SPG7: variants seen among roughly 807,000 people sequenced by gnomAD.
SPG7 encodes the protein mitochondrial inner membrane m-AAA protease component paraplegin.
Under a neutral mutation model 81.9 loss-of-function variants are expected in SPG7, and 103 were observed. The observed-to-expected ratio is 1.26, with a 90% CI of 1.07 to 1.48. The LOEUF (loss-of-function observed/expected upper bound fraction) is 1.48. Ranked by LOEUF, SPG7 falls within the 40% of genes most tolerant of loss-of-function variation. SPG7 has a pLI of 0.00. For missense variants in SPG7, 1,241 were observed against 1,087.3 expected, an observed-to-expected ratio of 1.14 and a Z score of -1.99; for synonymous variants, 534 against 444.2, an observed-to-expected ratio of 1.20 and a Z score of -2.54.
At chr16:89,520,942 G>C (rs1421916633) in intron 3 of SPG7, 1 of 152,192 alleles carries the variant, frequency 6.6e-6, no homozygotes, top group Non-Finnish European at 1.5e-5. Flanking sequence ...GATACATCTT[G>C]CCAGGCAGTT....
chr16:89,511,400 T>A (rs541748904), intron 2 of SPG7, among the ~76,000 whole-genome samples: 243 of 152,352 alleles, frequency 1.6e-3, no homozygotes, highest in Non-Finnish European at 2.8e-3. Context: ...CCTCTCACTT[T>A]TATTTCACGC....
chr16:89,536,755 C>T (rs1322357207), intron 9 of SPG7: 1 of 1,613,664 alleles, frequency 6.2e-7, no homozygotes, highest in Non-Finnish European at 8.5e-7. Flanking sequence ...CGGCCTTCTT[C>T]TCCAACCAGG....
chr16:89,547,710 T>A (rs1390261655), intron 11 of SPG7: 1 of 399,754 alleles, frequency 2.5e-6, no homozygotes, highest in Non-Finnish European at 4.8e-6. Flanking sequence ...CCTCCTGGGT[T>A]CAACCGATTT....
At chr16:89,514,423 C>G (rs2058066121) in intron 3 of SPG7, 1 of 139,704 alleles carries the variant, frequency 7.2e-6, no homozygotes. Flanking sequence ...CGGGTTCAAG[C>G]AATTCTCCTG....
At chr16:89,517,838 C>G (rs2058124003) in intron 3 of SPG7, 1 of 152,152 alleles carries the variant, frequency 6.6e-6, no homozygotes, top group Non-Finnish European at 1.5e-5. Context: ...CTAGGATGAT[C>G]TCGATCTCCT....
intron 12 of SPG7, 190 bp from the exon 13 acceptor site, chr16:89,550,304 C>G (rs2152410991): frequency 3.5e-6 from 2 of 569,074 alleles, no homozygotes; most frequent in East Asian, 3.4e-5. Flanking sequence ...TCCCAAGTAG[C>G]TGGGACTGCA....
At chr16:89,518,656 C>G (rs1272844118) in intron 3 of SPG7, 7 of 151,974 alleles carry the variant, frequency 4.6e-5, no homozygotes, top group Non-Finnish European at 1.0e-4. Context: ...AGGAATTATA[C>G]GGAGTGAAAA....
At position 89,553,958 on chromosome 16, in the gene SPG7, C is replaced by T. The variant is rs2058662827; in HGVS notation, c.2101C>T (p.His701Tyr). Residue 701 changes from histidine to tyrosine, a missense_variant and splice_region_variant, in exon 15 of 17, where the codon CAT (histidine) becomes TAT (tyrosine). Physicochemically the swap from His to Tyr is moderately conservative, Grantham distance 83 (BLOSUM62 2). Transcript: ENST00000645818. ...FSQGLQQMMDHEARLLVAKAY... is the reference protein window; with the variant it reads ...FSQGLQQMMDYEARLLVAKAY... ...CCAAGGCCTGCAGCAGATGATGGAC[C>T]ATGTGAGTCGGCTCTGGCCACACCG... 1 of 1,611,020 alleles carries T rather than the reference C, an allele frequency of 6.2e-7. No homozygotes were observed. Among genetic ancestry groups the T allele is most frequent in the East Asian group, 2.2e-5 (1 of 44,876 alleles).
intron 14 of SPG7, 104 bp downstream of exon 14, chr16:89,553,239 C>A (rs538406906): frequency 1.7e-6 from 2 of 1,162,082 alleles, no homozygotes; most frequent in African/African-American, 1.5e-5. Flanking sequence ...GTAGACGTAG[C>A]TTTGAATTTA....
At chr16:89,552,663 G>C (rs1056188476) in intron 13 of SPG7, 1 of 394,452 alleles carries the variant, frequency 2.5e-6, no homozygotes, top group Non-Finnish European at 4.9e-6. Flanking sequence ...TCAGCGCAGC[G>C]GCCATCGGGG....
At position 89,546,901 on chromosome 16, in the gene SPG7, G is replaced by A. The variant is rs2058571606; in HGVS notation, c.1552+141G>A. ...CCTCTGCTCAGTACAAGCCTGGGAG[G>A]GAGCTGATGTGTATGTGGGGCAGCA... On this transcript the variant is annotated intron_variant, in intron 11 of 16. Coordinates refer to ENST00000645818, the MANE Select transcript of SPG7 (RefSeq NM_003119.4). The A allele has an allele frequency of 1.4e-5, 10 of 691,836 alleles. No homozygotes were observed. In the Admixed American group the frequency reaches 1.8e-4, roughly 13 times the overall value. 42.9% of individuals were successfully genotyped at this position (691,836 alleles called of 1,614,324 possible).
At position 89,537,325 on chromosome 16, in the gene SPG7, C is replaced by T. The variant is rs1458599709; in HGVS notation, c.1324+4689C>T. 64 of 1,204,056 alleles carry T rather than the reference C, an allele frequency of 5.3e-5. No individual in the cohort carries two copies. The East Asian group carries it at 2.4e-3, about 46-fold the overall frequency. 74.6% of individuals were successfully genotyped at this position (1,204,056 alleles called of 1,614,324 possible). A position where few individuals can be genotyped will look rare whatever the true frequency, so the allele number is the denominator to read the frequency against. On this transcript the variant is annotated intron_variant, in intron 9 of 16. Coordinates refer to ENST00000645818, the MANE Select transcript of SPG7 (RefSeq NM_003119.4). ...GCAAGTCAAAGAGCACTGGAGGCACCGCCGGCGATGGACGTCCAGGTCCCG... is the reference window on the plus strand; with the variant it reads ...GCAAGTCAAAGAGCACTGGAGGCACTGCCGGCGATGGACGTCCAGGTCCCG...
intron 2 of SPG7, among the ~76,000 whole-genome samples, 158 bp from the exon 3 acceptor site, chr16:89,512,790 G>A (rs375971814): frequency 1.5e-4 from 23 of 152,312 alleles, no homozygotes; most frequent in African/African-American, 4.8e-4. Context: ...AGTGATATAG[G>A]ATATGCTTTA....
In SPG7 at chr16:89,530,667, T is replaced by C; in HGVS notation, c.862-16T>C. Reference sequence around the variant, plus strand: ...TGACTTCGCCCAGCTCCTTGCACTTTGTTCTTTCTGCACAGAATCAGCTTA... The same window carrying C: ...TGACTTCGCCCAGCTCCTTGCACTTCGTTCTTTCTGCACAGAATCAGCTTA... On this transcript the variant is annotated splice_polypyrimidine_tract_variant and intron_variant, in intron 6 of 16. Coordinates refer to ENST00000645818, the MANE Select transcript of SPG7 (RefSeq NM_003119.4). The C allele has an allele frequency of 6.2e-7, 1 of 1,614,156 alleles. No homozygotes were observed. Among genetic ancestry groups the C allele is most frequent in the Non-Finnish European group, 8.5e-7 (1 of 1,180,026 alleles).
At position 89,508,434 on chromosome 16, in the gene SPG7, T is replaced by A. The variant is rs1352999079; in HGVS notation, c.17T>A (p.Leu6Gln). 1 of 1,498,390 alleles carries A rather than the reference T, an allele frequency of 6.7e-7. No homozygotes were observed. Among genetic ancestry groups the A allele is most frequent in the African/African-American group, 1.5e-5 (1 of 68,620 alleles). 92.8% of individuals were successfully genotyped at this position (1,498,390 alleles called of 1,614,324 possible). A position where few individuals can be genotyped will look rare whatever the true frequency, so the allele number is the denominator to read the frequency against. Residue 6 changes from leucine to glutamine, a missense_variant, in exon 1 of 17, where the codon CTG becomes CAG. Leu to Gln is a moderately radical substitution (Grantham distance 113). Transcript: ENST00000645818. MAVLL[L>Q]LLRALRRGPG... ...CAGGCCAACATGGCCGTGCTGCTGC[T>A]GCTGCTCCGTGCCCTCCGCCGGGGT...
chr16:89,528,545 G>A (rs979575075), intron 5 of SPG7: 1 of 151,726 alleles, frequency 6.6e-6, no homozygotes, highest in African/African-American at 2.4e-5. Context: ...AAGATGGAGG[G>A]TTGGGGCAGG....
chr16:89,516,243 C>T (rs895657944), intron 3 of SPG7, among the ~76,000 whole-genome samples: 1 of 151,942 alleles, frequency 6.6e-6, no homozygotes, highest in Non-Finnish European at 1.5e-5. Flanking sequence ...TCGCCTTGGT[C>T]TCCGAAAGTG....
intron 8 of SPG7, 33 bp downstream of exon 8, chr16:89,532,099 T>C (rs1470724149): frequency 1.2e-6 from 2 of 1,605,836 alleles, no homozygotes; most frequent in Non-Finnish European, 1.7e-6. Flanking sequence ...GTGGGTGGGC[T>C]TGGCTGACTA....
rs1240187851 is a variant in SPG7, at chr16:89,548,510, G to A, written c.1663+397G>A. On this transcript the variant is annotated intron_variant, in intron 12 of 16. Coordinates refer to ENST00000645818, the MANE Select transcript of SPG7 (RefSeq NM_003119.4). ...GACTGTGGGCCGGAGGGCTGCTGCC[G>A]CCCGTGGCTGTGGAGGGACAGCCGT... 7 of 301,138 alleles carry A rather than the reference G, an allele frequency of 2.3e-5. No homozygotes were observed. In the East Asian group the frequency reaches 5.9e-4, roughly 25 times the overall value. 18.7% of individuals were successfully genotyped at this position (301,138 alleles called of 1,614,324 possible). A position where few individuals can be genotyped will look rare whatever the true frequency, so the allele number is the denominator to read the frequency against.
Sources: gnomAD v4.1 joint callset for allele counts (sites outside exome capture counted in the v4.1 genomes callset) on GRCh38, gnomAD v4.1.1 for gene constraint, MANE v1.5 for transcripts, NCBI Gene and HGNC (gene_info 2026-07-23, HGNC 2026-07-21) for gene names.